BTN3A1: variants seen among roughly 807,000 people sequenced by gnomAD.
The protein encoded by BTN3A1 is dJ45P21.3 (butyrophilin, subfamily 3, member A1).
In BTN3A1, 24 loss-of-function variants were observed where a neutral mutation model predicts 43.0. The ratio of observed to expected loss-of-function variants is 0.56; its 90% CI spans 0.40 to 0.78. The LOEUF (loss-of-function observed/expected upper bound fraction) is 0.78, where lower values mean the gene tolerates loss of function less well. Ranked by LOEUF, BTN3A1 falls within the 30% of genes least tolerant of loss-of-function variation. The pLI is 0.00. For missense variants in BTN3A1, 533 were observed against 626.2 expected (o/e 0.85, Z 1.59); for synonymous variants, 181 against 234.7 (o/e 0.77, Z 2.09).
In BTN3A1 at chr6:26,414,027, T is replaced by G; in HGVS notation, c.*335T>G. 2 of 364,392 alleles carry G rather than the reference T, an allele frequency of 5.5e-6. No individual in the cohort carries two copies. The highest frequency in any genetic ancestry group is 6.8e-5 in the East Asian group (1 of 14,672). 22.6% of individuals were successfully genotyped at this position (364,392 alleles called of 1,614,324 possible). A position where few individuals can be genotyped will look rare whatever the true frequency, so the allele number is the denominator to read the frequency against. ...TGACTACAAAGTAGACATGACTAGT[T>G]AACAACACAGCTGGGATCTAAACAG... On this transcript the variant is annotated 3_prime_UTR_variant, in exon 10 of 10. Coordinates refer to ENST00000289361, the MANE Select transcript of BTN3A1 (RefSeq NM_007048.6).
chr6:26,406,322 C>T, intron 3 of BTN3A1, 66 bp downstream of exon 3: 1 of 711,628 alleles, frequency 1.4e-6, no homozygotes, highest in African/African-American at 1.9e-5. Flanking sequence ...CAGAGTCCCT[C>T]TTGCAAAAGC....
intron 4 of BTN3A1, among the ~76,000 whole-genome samples, chr6:26,408,876 C>G (rs893863464): frequency 1.3e-5 from 2 of 152,114 alleles, no homozygotes; most frequent in Non-Finnish European, 2.9e-5. Flanking sequence ...GTATGGAATG[C>G]TATCTTTAGT....
chr6:26,411,855 G>C, intron 9 of BTN3A1: 1 of 422,980 alleles, frequency 2.4e-6, no homozygotes, highest in Non-Finnish European at 4.2e-6. Context: ...TGAGGGGAAG[G>C]AGACACACAC....
chr6:26,411,679 AG>A, intron 9 of BTN3A1, 98 bp downstream of exon 9: 8 of 1,439,514 alleles, frequency 5.6e-6, no homozygotes, highest in Non-Finnish European at 7.6e-6. Flanking sequence ...GGGGAAGAAA[AG>A]CTCCCATGAC....
chr6:26,411,734 G>T, intron 9 of BTN3A1, 153 bp downstream of exon 9: 1 of 972,824 alleles, frequency 1.0e-6, no homozygotes, highest in Non-Finnish European at 1.5e-6. Context: ...AATCTGAAAA[G>T]TGGGCCCATC....
rs929587725 is a variant in BTN3A1, at chr6:26,412,018, A to G, written c.1018+437A>G. 2.6e-4 allele frequency: 55 copies of G among 213,532 alleles called. 1 individual carries two copies. Among genetic ancestry groups the G allele is most frequent in the South Asian group, 1.6e-3 (13 of 8,032 alleles). 13.2% of individuals were successfully genotyped at this position (213,532 alleles called of 1,614,324 possible). On this transcript the variant is annotated intron_variant, in intron 9 of 9. Transcript: ENST00000289361. ...TGCTTCTGAGCTTTGGCCTCCACAT[A>G]TTTAGGTGATGATTTCAATCTGTGT...
chr6:26,403,698 T>C (rs1346657738), intron 1 of BTN3A1, among the ~76,000 whole-genome samples: 1 of 152,154 alleles, frequency 6.6e-6, no homozygotes, highest in African/African-American at 2.4e-5. Context: ...TATTTATTGA[T>C]TGATTTGTAG....
At chr6:26,402,655 T>C (rs1343920439) in intron 1 of BTN3A1, among the ~76,000 whole-genome samples, 1 of 152,256 alleles carries the variant, frequency 6.6e-6, no homozygotes, top group Non-Finnish European at 1.5e-5. Context: ...CTTAAGAACG[T>C]ATTGTAGTCA....
intron 4 of BTN3A1, among the ~76,000 whole-genome samples, chr6:26,408,720 A>G (rs1762103814): frequency 6.6e-6 from 1 of 152,242 alleles, no homozygotes. Context: ...AAGGTTGGAA[A>G]CTATGCAGAT....
chr6:26,409,246 C>G (rs904126713), intron 4 of BTN3A1, among the ~76,000 whole-genome samples: 3 of 152,102 alleles, frequency 2.0e-5, no homozygotes, highest in Non-Finnish European at 4.4e-5. Context: ...CATGTGTTAC[C>G]TATTAAAAAG....
intron 7 of BTN3A1, 94 bp from the exon 8 acceptor site, chr6:26,411,015 A>T (rs539982725): frequency 3.6e-6 from 4 of 1,100,868 alleles, no homozygotes. Flanking sequence ...AAAAAAAAAA[A>T]AAAAAAAAGA....
intron 1 of BTN3A1, among the ~76,000 whole-genome samples, chr6:26,405,079 C>A (rs749408420): frequency 6.6e-6 from 1 of 152,204 alleles, no homozygotes; most frequent in Non-Finnish European, 1.5e-5. Context: ...CCCCACCAAG[C>A]AGTCTTCCTT....
At position 26,413,306 on chromosome 6, in the gene BTN3A1, G is replaced by A. The variant is rs777080463; in HGVS notation, c.1156G>A (p.Gly386Ser). Residue 386 changes from glycine (G) to serine (S), a missense_variant, in exon 10 of 10, where the codon GGC becomes AGC. Transcript: ENST00000289361. Reference protein sequence around the residue: ...ERFNWHYCVLGCESFISGRHY... With the variant: ...ERFNWHYCVLSCESFISGRHY... ...ATTTAATTGGCATTATTGTGTTCTC[G>A]GCTGTGAGAGCTTCATATCAGGGAG... 9.9e-6 allele frequency: 16 copies of A among 1,614,144 alleles called. 1 individual carries two copies. The highest frequency in any genetic ancestry group is 3.3e-4 in the Middle Eastern group (2 of 6,062).
intron 1 of BTN3A1, among the ~76,000 whole-genome samples, chr6:26,403,071 T>C (rs978401713): frequency 1.3e-5 from 2 of 152,170 alleles, no homozygotes; most frequent in Admixed American, 6.5e-5. Context: ...TATACAATTT[T>C]TTTGTTTGTT....
chr6:26,405,492 G>T lies in BTN3A1; in HGVS notation c.-72G>T. The stretch of plus-strand genomic sequence containing the variant: ...TCTAGGGAAGTGGAGGTTTCCATTT[G>T]GAATTCTATAGCTTCTTCCAGGTCA... On this transcript the variant is annotated 5_prime_UTR_variant, in exon 2 of 10. Transcript: ENST00000289361. 1 of 1,444,018 alleles carries T rather than the reference G, an allele frequency of 6.9e-7. No individual in the cohort carries two copies. The highest frequency in any genetic ancestry group is 9.7e-7 in the Non-Finnish European group (1 of 1,026,698). 89.5% of individuals were successfully genotyped at this position (1,444,018 alleles called of 1,614,324 possible).
intron 4 of BTN3A1, 46 bp from the exon 5 acceptor site, chr6:26,409,487 G>T: frequency 6.3e-7 from 1 of 1,586,128 alleles, no homozygotes; most frequent in South Asian, 1.1e-5. Flanking sequence ...AGTCTGGGGA[G>T]GCTGAGTGCA....
chr6:26,406,163 CACA>C lies in BTN3A1; in HGVS notation c.343_345del (p.Asn115del), dbSNP rs1329386502. On this transcript the variant is annotated inframe_deletion, in exon 3 of 10. Coordinates refer to ENST00000289361, the MANE Select transcript of BTN3A1 (RefSeq NM_007048.6). ...TGCAGGGAAGGCTGCTCTCCGAATA[CACA>C]ACGTCACAGCCTCTGACAGTGGAAA... 2 of 1,498,446 alleles carry C rather than the reference CACA, an allele frequency of 1.3e-6. No individual in the cohort carries two copies. Among genetic ancestry groups the C allele is most frequent in the South Asian group, 1.2e-5 (1 of 86,198 alleles). 92.8% of individuals were successfully genotyped at this position (1,498,446 alleles called of 1,614,324 possible). A position where few individuals can be genotyped will look rare whatever the true frequency, so the allele number is the denominator to read the frequency against.
At chr6:26,404,272 A>T (rs1331148189) in intron 1 of BTN3A1, 1 of 152,230 alleles carries the variant, frequency 6.6e-6, no homozygotes, top group Non-Finnish European at 1.5e-5. Context: ...CACTATTGTA[A>T]CTCATAATAA....
In BTN3A1 at chr6:26,414,085, C is replaced by T. The variant is rs189689215; in HGVS notation, c.*393C>T. 8.3e-4 allele frequency: 242 copies of T among 292,082 alleles called. No homozygotes were observed. Among genetic ancestry groups the T allele is most frequent in the African/African-American group, 4.8e-3 (219 of 45,656 alleles). 18.1% of individuals were successfully genotyped at this position (292,082 alleles called of 1,614,324 possible). A position where few individuals can be genotyped will look rare whatever the true frequency, so the allele number is the denominator to read the frequency against. On this transcript the variant is annotated 3_prime_UTR_variant, in exon 10 of 10. Coordinates refer to ENST00000289361, the MANE Select transcript of BTN3A1 (RefSeq NM_007048.6). ...TAACATTAATGGAGAACTTAAAATG[C>T]TCTGAGTGCTGTGTTATGAGCTTTG...
Sources: allele counts gnomAD v4.1 joint callset (sites outside exome capture counted in the v4.1 genomes callset), GRCh38; gene constraint gnomAD v4.1.1; transcripts MANE v1.5; gene names NCBI Gene and HGNC (gene_info 2026-07-23, HGNC 2026-07-21).